The following KHDRBS3 variants were observed in gnomAD, a reference collection of about 807,000 sequenced individuals.
KHDRBS3 encodes the protein KH RNA binding domain containing, signal transduction associated 3, also known as KH domain-containing, RNA-binding, signal transduction-associated protein 3.
KHDRBS3 carries 23 observed loss-of-function variants against 45.6 expected under a neutral mutation model. That is an observed-to-expected ratio of 0.50 (90% CI 0.36 to 0.72). The LOEUF (loss-of-function observed/expected upper bound fraction) is 0.72, where lower values mean the gene tolerates loss of function less well. KHDRBS3 is among the 30% of genes least tolerant of loss of function. The pLI is 0.00. For missense variants in KHDRBS3, 352 were observed against 424.8 expected, an observed-to-expected ratio of 0.83 and a Z score of 1.51; for synonymous variants, 162 against 156.5, an observed-to-expected ratio of 1.04 and a Z score of -0.26.
At chr8:135,482,278 GA>G (rs1203987801) in intron 1 of KHDRBS3, among the ~76,000 whole-genome samples, 1 of 152,162 alleles carries the variant, frequency 6.6e-6, no homozygotes. Flanking sequence ...TAGGCAGAAA[GA>G]AAAATAATTA....
intron 1 of KHDRBS3, among the ~76,000 whole-genome samples, chr8:135,496,183 G>A (rs1300615568): frequency 1.0e-5 from 1 of 95,404 alleles, no homozygotes; most frequent in Non-Finnish European, 2.4e-5. Flanking sequence ...AGAGGGAAAG[G>A]TCATGCAAAA....
rs572890986 is a variant in KHDRBS3, at chr8:135,616,366, C to T, written c.890+9329C>T. Among the ~76,000 whole-genome samples the T allele has an allele frequency of 9.2e-5, 14 of 152,250 alleles. No homozygotes were observed. The South Asian group carries it at 2.9e-3, about 32-fold the overall frequency. The stretch of plus-strand genomic sequence containing the variant: ...GTTCCTATAAATGTAGAGAAGACCA[C>T]CACATGGGATCTTCATGCATGATCT... On this transcript the variant is annotated intron_variant, in intron 7 of 8. Coordinates refer to ENST00000355849, the MANE Select transcript of KHDRBS3 (RefSeq NM_006558.3).
chr8:135,519,201 G>T (rs925078751), intron 1 of KHDRBS3, among the ~76,000 whole-genome samples: 1 of 151,928 alleles, frequency 6.6e-6, no homozygotes, highest in East Asian at 1.9e-4. Flanking sequence ...GCTTCCTTCC[G>T]TCTCCCCCAT....
chr8:135,497,706 G>A (rs965688440), intron 1 of KHDRBS3, among the ~76,000 whole-genome samples: 12 of 152,128 alleles, frequency 7.9e-5, no homozygotes, highest in African/African-American at 2.9e-4. Flanking sequence ...CAAGCACTGT[G>A]CTTAGGAGTT....
chr8:135,543,823 T>G (rs1333769000), intron 3 of KHDRBS3, among the ~76,000 whole-genome samples: 2 of 152,200 alleles, frequency 1.3e-5, no homozygotes, highest in African/African-American at 4.8e-5. Context: ...ACCCGTATAT[T>G]TTCGACAGCA....
intron 5 of KHDRBS3, among the ~76,000 whole-genome samples, chr8:135,566,959 AT>A (rs1827450766): frequency 6.6e-6 from 1 of 152,190 alleles, no homozygotes; most frequent in Non-Finnish European, 1.5e-5. Context: ...AAACAGTCAC[AT>A]TTACTTCTGC....
intron 1 of KHDRBS3, among the ~76,000 whole-genome samples, chr8:135,515,474 G>A (rs1008884582): frequency 7.2e-6 from 1 of 139,086 alleles, no homozygotes; most frequent in African/African-American, 2.6e-5. Flanking sequence ...TTTTGTTTTT[G>A]CCTTATCAGG....
At chr8:135,494,380 G>A (rs4495473) in intron 1 of KHDRBS3, among the ~76,000 whole-genome samples, 83,549 of 147,316 alleles carry the variant, frequency 0.57, 24,213 homozygotes, top group East Asian at 0.78. Flanking sequence ...CCGGGTTCAC[G>A]CCATTCTCCT....
At chr8:135,508,083 A>T (rs1443236349) in intron 1 of KHDRBS3, among the ~76,000 whole-genome samples, 1 of 152,156 alleles carries the variant, frequency 6.6e-6, no homozygotes, top group Non-Finnish European at 1.5e-5. Context: ...CCCGCCCTGA[A>T]TTTACTCTGA....
intron 7 of KHDRBS3, among the ~76,000 whole-genome samples, chr8:135,623,342 T>C (rs560168364): frequency 6.6e-6 from 1 of 152,226 alleles, no homozygotes; most frequent in Non-Finnish European, 1.5e-5. Context: ...TCAAAAGACA[T>C]GTCTGAATTT....
At position 135,457,945 on chromosome 8, in the gene KHDRBS3, G is replaced by T. The variant is rs1821199013; in HGVS notation, c.79G>T (p.Val27Leu). 6.3e-7 allele frequency: 1 copy of T among 1,595,484 alleles called. No homozygotes were observed. Among genetic ancestry groups the T allele is most frequent in the Non-Finnish European group, 8.5e-7 (1 of 1,171,916 alleles). ...CTCCTTCACGCACGCCCTGCGCCTG[G>T]TGAACCAAGGTGAGGCGCCGGCCGT... ...DPSFTHALRL[V>L]NQEIEKFQKG... Residue 27 changes from valine (V) to leucine (L), a missense_variant, in exon 1 of 9, where the codon GTG (valine) becomes TTG (leucine). Physicochemically the swap from Val to Leu is conservative, Grantham distance 32. Transcript: ENST00000355849. The surrounding 1 kb of genome is among the most constrained non-coding windows in gnomAD (Gnocchi z 4.4).
At chr8:135,521,096 A>G (rs1184441629) in intron 1 of KHDRBS3, 141 bp from the exon 2 acceptor site, 1 of 629,042 alleles carries the variant, frequency 1.6e-6, no homozygotes, top group Non-Finnish European at 2.9e-6. Flanking sequence ...GAAACCGGAA[A>G]TGTACTTGAA....
intron 2 of KHDRBS3, among the ~76,000 whole-genome samples, chr8:135,526,521 T>G (rs1825196703): frequency 6.6e-6 from 1 of 152,124 alleles, no homozygotes; most frequent in Non-Finnish European, 1.5e-5. Context: ...TTCAAGCTAA[T>G]ATAGCACTGC....
chr8:135,629,296 T>C (rs993703941), intron 7 of KHDRBS3, among the ~76,000 whole-genome samples: 20 of 152,244 alleles, frequency 1.3e-4, no homozygotes, highest in African/African-American at 4.6e-4. Flanking sequence ...ACTGACTAAA[T>C]GGCAGGCCAG....
At chr8:135,467,817 C>G (rs1015092481) in intron 1 of KHDRBS3, among the ~76,000 whole-genome samples, 2 of 152,262 alleles carry the variant, frequency 1.3e-5, no homozygotes, top group Non-Finnish European at 2.9e-5. Flanking sequence ...ATTAATACTT[C>G]TGTGAGGAGA....
At chr8:135,510,062 C>T in intron 1 of KHDRBS3, among the ~76,000 whole-genome samples, 1 of 151,064 alleles carries the variant, frequency 6.6e-6, no homozygotes, top group East Asian at 2.0e-4. Flanking sequence ...TCACTACAGC[C>T]TTGACCTCCT....
Position 135,626,967 on chromosome 8 carries a change from G to T in KHDRBS3, c.891-18092G>T, listed in dbSNP as rs191459656. Among the ~76,000 whole-genome samples, 349 of 152,232 alleles carry T rather than the reference G, an allele frequency of 2.3e-3. 4 individuals carry two copies. Among genetic ancestry groups the T allele is most frequent in the Non-Finnish European group, 4.1e-3 (280 of 68,024 alleles). On this transcript the variant is annotated intron_variant, in intron 7 of 8. Transcript: ENST00000355849. Reference sequence around the variant, plus strand: ...AACCTTTTAAGCAACTTTGTAGTAGGAAGGAGTAGCAGGACATTGCCGTTT... The same window carrying T: ...AACCTTTTAAGCAACTTTGTAGTAGTAAGGAGTAGCAGGACATTGCCGTTT...
chr8:135,519,348 A>G (rs1207878019), intron 1 of KHDRBS3, among the ~76,000 whole-genome samples: 1 of 152,172 alleles, frequency 6.6e-6, no homozygotes, highest in African/African-American at 2.4e-5. Flanking sequence ...CCCACAGATC[A>G]AGGGCTTAAT....
chr8:135,637,614 A>G (rs1280317736), intron 7 of KHDRBS3, among the ~76,000 whole-genome samples: 2 of 152,158 alleles, frequency 1.3e-5, no homozygotes, highest in African/African-American at 4.8e-5. Flanking sequence ...CCACCCCCAC[A>G]AACTGTCACA....
Sources: gnomAD v4.1 joint callset for allele counts (sites outside exome capture counted in the v4.1 genomes callset) on GRCh38, gnomAD v4.1.1 for gene constraint, Gnocchi (gnomAD v3.1) non-coding constraint, MANE v1.5 for transcripts, NCBI Gene and HGNC (gene_info 2026-07-23, HGNC 2026-07-21) for gene names.